WDFY3: variants seen among roughly 807,000 people sequenced by gnomAD.
WDFY3 encodes WD repeat and FYVE domain-containing protein 3.
Under a neutral mutation model 409.6 loss-of-function variants are expected in WDFY3, and 66 were observed. The observed-to-expected ratio is 0.16, with a 90% CI of 0.13 to 0.20. WDFY3 has a LOEUF of 0.20. Among genes scored for constraint, WDFY3 ranks in the 10% least tolerant of loss-of-function variants. WDFY3 has a pLI of 1.00. For synonymous variants in WDFY3, 1,521 were observed against 1,537.1 expected (o/e 0.99, Z 0.25); for missense variants, 3,031 against 4,298.1 (o/e 0.71, Z 8.24).
intron 53 of WDFY3, among the ~76,000 whole-genome samples, chr4:84,708,699 C>G (rs1171201664): frequency 2.0e-5 from 3 of 152,074 alleles, no homozygotes; most frequent in Non-Finnish European, 4.4e-5. Flanking sequence ...TGGCACCACA[C>G]CTGGCTAATT....
chr4:84,697,005 C>T (rs2148896479), intron 56 of WDFY3, among the ~76,000 whole-genome samples, 182 bp from the exon 57 acceptor site: 1 of 152,278 alleles, frequency 6.6e-6, no homozygotes, highest in South Asian at 2.1e-4. Context: ...TCAGATCACT[C>T]CAGCAGAAAG....
intron 2 of WDFY3, among the ~76,000 whole-genome samples, chr4:84,917,388 C>A (rs1388764825): frequency 6.6e-6 from 1 of 152,076 alleles, no homozygotes; most frequent in Non-Finnish European, 1.5e-5. Context: ...TAATCTAAGT[C>A]ATTTAGTAGG....
intron 5 of WDFY3, among the ~76,000 whole-genome samples, chr4:84,843,423 CA>C (rs1171298162): frequency 6.6e-6 from 1 of 152,060 alleles, no homozygotes; most frequent in Non-Finnish European, 1.5e-5. Flanking sequence ...ATTTTTGAGA[CA>C]AGGTCTCACT....
rs1745280709 is a variant in WDFY3, at chr4:84,774,867, G to A, written c.4707C>T (p.Val1569=). 6.2e-7 allele frequency: 1 copy of A among 1,613,792 alleles called. No individual in the cohort carries two copies. The highest frequency in any genetic ancestry group is 1.3e-5 in the African/African-American group (1 of 74,892). ...GAAAACCTTGCAGTAAGAAGCTCAG[G>A]ACATTACTAATAGCAGCAATAGTAG... The part of the protein sequence containing the change: ...SQPTIAAISN[V]LSFLLQGFPS... The change falls in exon 29 of 68, where the codon GTC becomes GTT. Residue 1569 remains valine (V), a synonymous_variant. Coordinates refer to ENST00000295888, the MANE Select transcript of WDFY3 (RefSeq NM_014991.6).
In WDFY3 at chr4:84,670,406, G is replaced by A. The variant is rs1725283536; in HGVS notation, c.*2462C>T. Reference sequence around the variant, plus strand: ...TATGTATGTGAGTGTACTTGTATGTGTGAGTGATTCTGTTGATTTCTGCAT... The same window carrying A: ...TATGTATGTGAGTGTACTTGTATGTATGAGTGATTCTGTTGATTTCTGCAT... On this transcript the variant is annotated 3_prime_UTR_variant, in exon 68 of 68. Coordinates refer to ENST00000295888, the MANE Select transcript of WDFY3 (RefSeq NM_014991.6). 6.6e-6 allele frequency: 1 copy of A among 152,658 alleles called. No homozygotes were observed. The highest frequency in any genetic ancestry group is 1.5e-5 in the Non-Finnish European group (1 of 68,036). The allele number at this position is 152,658 out of a possible 1,614,324, so 9.5% of individuals were successfully genotyped here. A position where few individuals can be genotyped will look rare whatever the true frequency, so the allele number is the denominator to read the frequency against.
chr4:84,676,753 C>CA (rs1726369213), intron 67 of WDFY3, among the ~76,000 whole-genome samples: 1 of 151,990 alleles, frequency 6.6e-6, no homozygotes, highest in Admixed American at 6.6e-5. Flanking sequence ...TACAGAAGGG[C>CA]AAAAACAGTA....
chr4:84,763,449 A>T (rs946918923), intron 32 of WDFY3, among the ~76,000 whole-genome samples: 10 of 152,092 alleles, frequency 6.6e-5, no homozygotes, highest in Non-Finnish European at 4.4e-5. Flanking sequence ...TAAAACCTAG[A>T]TGACGGGCTG....
intron 1 of WDFY3, among the ~76,000 whole-genome samples, chr4:84,962,822 C>T (rs1326344250): frequency 6.6e-6 from 1 of 151,784 alleles, no homozygotes; most frequent in Non-Finnish European, 1.5e-5. Flanking sequence ...TACAGGTGCA[C>T]ACCACCAGGC....
At chr4:84,913,191 C>T (rs957303677) in intron 2 of WDFY3, among the ~76,000 whole-genome samples, 9 of 152,092 alleles carry the variant, frequency 5.9e-5, no homozygotes, top group Non-Finnish European at 1.2e-4. Context: ...TTATAAAGAC[C>T]TTTAAGGCTC....
rs79689715 is a variant in WDFY3, at chr4:84,902,491, G to C, written c.-131-5481C>G. Among the ~76,000 whole-genome samples, 706 of 152,210 alleles carry C rather than the reference G, an allele frequency of 4.6e-3. 52 individuals carry two copies. The East Asian group carries it at 0.11, about 25-fold the overall frequency. ...TTGCTTCCATTGTGCATAATTAACA[G>C]ACCATGTCTCAAGTTAAACTCTAAA... On this transcript the variant is annotated intron_variant, in intron 2 of 67. Transcript: ENST00000295888.
intron 56 of WDFY3, among the ~76,000 whole-genome samples, chr4:84,698,786 C>T (rs578004601): frequency 2.0e-5 from 3 of 152,266 alleles, no homozygotes; most frequent in Non-Finnish European, 2.9e-5. Flanking sequence ...ATCTGCCTCC[C>T]GGGTGAGTCT....
At chr4:84,829,679 C>T (rs1034119974) in intron 8 of WDFY3, among the ~76,000 whole-genome samples, 7 of 151,628 alleles carry the variant, frequency 4.6e-5, no homozygotes, top group Middle Eastern at 3.2e-3. Context: ...TGGTGGCACG[C>T]GCCTGTAGTC....
intron 3 of WDFY3, among the ~76,000 whole-genome samples, chr4:84,887,367 C>T (rs1261575835): frequency 6.6e-6 from 1 of 152,186 alleles, no homozygotes; most frequent in African/African-American, 2.4e-5. Context: ...TATCCTAAGA[C>T]CATTCTAGCC....
intron 21 of WDFY3, among the ~76,000 whole-genome samples, chr4:84,793,459 TA>T (rs1278457645): frequency 6.6e-6 from 1 of 152,166 alleles, no homozygotes; most frequent in Non-Finnish European, 1.5e-5. Flanking sequence ...GTCCTTGAGA[TA>T]AAAAGACTTA....
chr4:84,776,560 T>A (rs1314748387), intron 27 of WDFY3, among the ~76,000 whole-genome samples: 2 of 152,056 alleles, frequency 1.3e-5, no homozygotes, highest in Non-Finnish European at 2.9e-5. Flanking sequence ...CTGGGTTAGG[T>A]AGGTCTTCTT....
intron 1 of WDFY3, among the ~76,000 whole-genome samples, chr4:84,964,879 T>C (rs1465457715): frequency 6.6e-6 from 1 of 152,190 alleles, no homozygotes; most frequent in Non-Finnish European, 1.5e-5. Context: ...AAACTAGCAG[T>C]AGAAACCTCT....
chr4:84,782,842 G>T, intron 25 of WDFY3, 121 bp downstream of exon 25: 1 of 747,998 alleles, frequency 1.3e-6, no homozygotes. Context: ...AATACTGCAC[G>T]TACACTATAG....
chr4:84,782,524 C>T (rs1196780766), intron 25 of WDFY3, among the ~76,000 whole-genome samples: 2 of 152,154 alleles, frequency 1.3e-5, no homozygotes, highest in African/African-American at 4.8e-5. Context: ...TGTACTGATG[C>T]TCTCCCTCCC....
chr4:84,781,068 C>T (rs17009277), intron 25 of WDFY3, among the ~76,000 whole-genome samples: 5,528 of 152,084 alleles, frequency 0.036, 303 homozygotes, highest in African/African-American at 0.13. Flanking sequence ...GCTATCCTGG[C>T]GGGGATGATG....
Sources: allele counts gnomAD v4.1 joint callset (sites outside exome capture counted in the v4.1 genomes callset), GRCh38; gene constraint gnomAD v4.1.1; transcripts MANE v1.5; gene names NCBI Gene and HGNC (gene_info 2026-07-23, HGNC 2026-07-21).